Variants in TRERF1 observed in about 807,000 individuals in gnomAD.
The protein encoded by TRERF1 is transcriptional regulating factor 1, also known as transcriptional-regulating factor 1.
In TRERF1, 27 loss-of-function variants were observed where a neutral mutation model predicts 122.9. The ratio of observed to expected loss-of-function variants is 0.22; its 90% confidence interval spans 0.16 to 0.30. The LOEUF is 0.30. TRERF1 is among the 10% of genes least tolerant of loss of function. The pLI, the probability that TRERF1 is intolerant of heterozygous loss-of-function variation, is 1.00. For synonymous variants in TRERF1, 636 were observed against 641.7 expected (o/e 0.99, Z 0.13); for missense variants, 1,248 against 1,560.3 (o/e 0.80, Z 3.37).
chr6:42,365,952 T>A (rs901977583), intron 2 of TRERF1, among the ~76,000 whole-genome samples: 2 of 152,202 alleles, frequency 1.3e-5, no homozygotes, highest in Non-Finnish European at 2.9e-5. Context: ...TCCCTTGGGA[T>A]CCTTCATAAA....
chr6:42,269,780 G>T lies in TRERF1; in HGVS notation c.-190C>A. ...TGTACCACTCATGTGCAGGGCGGGG[G>T]GTTTCACATCCTCTCCCTGGCTGAG... On this transcript the variant is annotated 5_prime_UTR_variant, in exon 5 of 18. Coordinates refer to ENST00000372922, the Ensembl canonical transcript of TRERF1. The surrounding 1 kb of genome is among the most constrained non-coding windows in gnomAD (Gnocchi z 4.9). 1 of 1,426,512 alleles carries T rather than the reference G, an allele frequency of 7.0e-7. No homozygotes were observed. The highest frequency in any genetic ancestry group is 9.1e-7 in the Non-Finnish European group (1 of 1,093,204). The allele number at this position is 1,426,512 out of a possible 1,614,324, so 88.4% of individuals were successfully genotyped here. A position where few individuals can be genotyped will look rare whatever the true frequency, so the allele number is the denominator to read the frequency against.
chr6:42,344,770 C>T (rs1457750851), intron 3 of TRERF1, among the ~76,000 whole-genome samples: 1 of 152,192 alleles, frequency 6.6e-6, no homozygotes, highest in Non-Finnish European at 1.5e-5. Context: ...CACCTGACCA[C>T]CTGGATGAAA....
chr6:42,356,234 A>C (rs1349175122), intron 3 of TRERF1, among the ~76,000 whole-genome samples: 1 of 152,244 alleles, frequency 6.6e-6, no homozygotes, highest in African/African-American at 2.4e-5. Flanking sequence ...CCACAAATAA[A>C]GACTCAAGAG....
At chr6:42,231,325 C>G (rs1224914696) in intron 17 of TRERF1, among the ~76,000 whole-genome samples, 1 of 152,154 alleles carries the variant, frequency 6.6e-6, no homozygotes, top group Non-Finnish European at 1.5e-5. Context: ...AATTTATTTT[C>G]TTTATAAATT....
intron 13 of TRERF1, among the ~76,000 whole-genome samples, chr6:42,253,979 C>T (rs1776287314): frequency 6.6e-6 from 1 of 152,210 alleles, no homozygotes; most frequent in South Asian, 2.1e-4. Context: ...AAAGAACCAA[C>T]TTAGGTTTGT....
chr6:42,269,242 T>G lies in TRERF1; in HGVS notation c.349A>C (p.Thr117Pro). The G allele has an allele frequency of 1.9e-6, 3 of 1,614,204 alleles. No homozygotes were observed. The highest frequency in any genetic ancestry group is 2.5e-6 in the Non-Finnish European group (3 of 1,180,024). The change falls in exon 5 of 18, where the codon ACT (threonine) becomes CCT (proline). Residue 117 changes from threonine (T) to proline (P), a missense_variant. Coordinates refer to ENST00000372922, the Ensembl canonical transcript of TRERF1. This position sits in a 1 kb window ranked among gnomAD's most constrained non-coding sequence, Gnocchi z 4.9. ...GAGTAGGTGTATTGGTAGCCATCAG[T>G]GGGCTCAGCCTGGGCTGGTGCCCCC...
intron 2 of TRERF1, among the ~76,000 whole-genome samples, chr6:42,399,967 T>G (rs1779158057): frequency 6.6e-6 from 1 of 152,172 alleles, no homozygotes; most frequent in South Asian, 2.1e-4. Flanking sequence ...GGACCTCAAA[T>G]AGATGGAATT....
Position 42,243,256 on chromosome 6 carries a change from C to G in TRERF1, c.2851G>C (p.Asp951His), listed in dbSNP as rs138770125. The G allele has an allele frequency of 1.2e-5, 19 of 1,613,802 alleles. No individual in the cohort carries two copies. The Middle Eastern group carries it at 4.9e-4, about 42-fold the overall frequency. ...TTAGCAGCTTCACTCACCACACAAT[C>G]GTCGATGATTTCTGCCAGGCGTGTC... Residue 951 changes from aspartate (D) to histidine (H), a missense_variant, in exon 15 of 18, where the codon GAT (aspartate) becomes CAT (histidine). Physicochemically the swap from Asp to His is moderately conservative, Grantham distance 81 (BLOSUM62 -1). Around this residue, in one of 5 missense-constraint regions of TRERF1, gnomAD observed 159 missense variants for 221.7 expected, o/e 0.72. Transcript: ENST00000372922.
At chr6:42,335,387 G>A (rs1214790972) in intron 3 of TRERF1, among the ~76,000 whole-genome samples, 2 of 152,188 alleles carry the variant, frequency 1.3e-5, no homozygotes, top group Admixed American at 1.3e-4. Flanking sequence ...ACTCCCAGGT[G>A]CCTTACATGT....
At chr6:42,272,135 T>A (rs1315565129) in intron 4 of TRERF1, among the ~76,000 whole-genome samples, 2 of 152,194 alleles carry the variant, frequency 1.3e-5, no homozygotes, top group Non-Finnish European at 1.5e-5. Flanking sequence ...AAAAAATGTG[T>A]GTGTAAACTT....
intron 4 of TRERF1, among the ~76,000 whole-genome samples, chr6:42,299,118 C>G (rs114420983): frequency 4.0e-4 from 46 of 114,924 alleles, no homozygotes; most frequent in Admixed American, 5.1e-4. Context: ...CTGTCTGTCT[C>G]TATCTATCTA....
At chr6:42,373,856 C>T (rs1341499657) in intron 2 of TRERF1, among the ~76,000 whole-genome samples, 7 of 148,476 alleles carry the variant, frequency 4.7e-5, no homozygotes, top group South Asian at 2.1e-4. Flanking sequence ...GAAAAAAGGC[C>T]GGGCGTGGTG....
At chr6:42,239,772 C>T (rs902834740) in intron 15 of TRERF1, among the ~76,000 whole-genome samples, 2 of 152,148 alleles carry the variant, frequency 1.3e-5, no homozygotes, top group African/African-American at 4.8e-5. Flanking sequence ...CATCTCCACT[C>T]GGCAAACTAT....
rs1170921066 is a variant in TRERF1, at chr6:42,277,868, G to A, written c.-258-8020C>T. 3.2e-5 allele frequency among the ~76,000 whole-genome samples: 4 copies of A among 125,158 alleles called. No individual in the cohort carries two copies. The East Asian group carries it at 9.5e-4, about 30-fold the overall frequency. 82.1% of individuals were successfully genotyped at this position (125,158 alleles called of 152,430 possible). ...ATAAGAAGAAGAAAGAAGGAAGAAG[G>A]AAGAAGAAGGAAGAAGGAAGAAGGA... On this transcript the variant is annotated intron_variant, in intron 4 of 17. Coordinates refer to ENST00000372922, the Ensembl canonical transcript of TRERF1.
chr6:42,416,971 C>T (rs1463355722), intron 2 of TRERF1, among the ~76,000 whole-genome samples: 1 of 152,102 alleles, frequency 6.6e-6, no homozygotes, highest in Non-Finnish European at 1.5e-5. Flanking sequence ...ATCCTACCAG[C>T]ATCACTATAA....
At chr6:42,226,662 G>A (rs9367136) in exon 18 of TRERF1, 1 of 152,224 alleles carries the variant, frequency 6.6e-6, no homozygotes, top group African/African-American at 2.4e-5. Context: ...AGAGACCACT[G>A]TCTGTGTGGG....
In TRERF1 at chr6:42,237,198, C is replaced by G. The variant is rs186204772; in HGVS notation, c.2860-787G>C. 4.6e-5 allele frequency among the ~76,000 whole-genome samples: 7 copies of G among 152,334 alleles called. No homozygotes were observed. In the East Asian group the frequency reaches 1.2e-3, roughly 25 times the overall value. On this transcript the variant is annotated intron_variant, in intron 15 of 17. Transcript: ENST00000372922. ...GGCCACTCTCCCCACTTCAGAACAG[C>G]AGCCATGTGGAGAATTAAGCAGAAG...
intron 3 of TRERF1, among the ~76,000 whole-genome samples, chr6:42,316,226 C>A (rs541634083): frequency 1.3e-5 from 2 of 152,292 alleles, no homozygotes; most frequent in South Asian, 4.1e-4. Flanking sequence ...ACCTCCTCCT[C>A]CCCGCATTGC....
chr6:42,363,583 C>T (rs1772182564), intron 2 of TRERF1, among the ~76,000 whole-genome samples: 1 of 152,108 alleles, frequency 6.6e-6, no homozygotes, highest in Admixed American at 6.5e-5. Flanking sequence ...GACATCCTGA[C>T]CCCTAGGATC....
Sources: gnomAD v4.1 joint callset for allele counts (sites outside exome capture counted in the v4.1 genomes callset) on GRCh38, gnomAD v4.1.1 for gene constraint, gnomAD v4.1.1 regional missense constraint, Gnocchi (gnomAD v3.1) non-coding constraint, MANE v1.5 for transcripts, NCBI Gene and HGNC (gene_info 2026-07-23, HGNC 2026-07-21) for gene names.